Variants in TAFA5 observed in about 807,000 individuals in gnomAD.
The protein encoded by TAFA5 is chemokine-like protein TAFA-5.
In TAFA5, 6 loss-of-function variants were observed where a neutral mutation model predicts 15.3. The observed-to-expected ratio is 0.39, with a 90% CI of 0.21 to 0.77. The LOEUF is 0.77. Among genes scored for constraint, TAFA5 ranks in the 30% least tolerant of loss-of-function variants. The pLI is 0.41. For synonymous variants in TAFA5, 103 were observed against 80.7 expected (o/e 1.28, Z -1.48); for missense variants, 161 against 193.1 (o/e 0.83, Z 0.98).
chr22:48,639,943 C>G (rs115033550), intron 1 of TAFA5, among the ~76,000 whole-genome samples: 406 of 152,324 alleles, frequency 2.7e-3, no homozygotes, highest in African/African-American at 9.4e-3. Context: ...ACCGCACCCC[C>G]CCAACCCCGC....
rs974722224 is a variant in TAFA5, at chr22:48,503,030, A to C, written c.112+13326A>C. ...GTGGAAGGATGTGGGTCCCAGATCC[A>C]CGCGGGACCTTCCCATGCTCTTCCA... On this transcript the variant is annotated intron_variant, in intron 1 of 3. Coordinates refer to ENST00000402357, the MANE Select transcript of TAFA5 (RefSeq NM_001082967.3). Among the ~76,000 whole-genome samples the C allele has an allele frequency of 7.2e-5, 11 of 152,292 alleles. No homozygotes were observed. In the East Asian group the frequency reaches 1.9e-3, roughly 27 times the overall value.
intron 1 of TAFA5, among the ~76,000 whole-genome samples, chr22:48,558,169 C>G (rs1384932317): frequency 6.6e-6 from 1 of 152,156 alleles, no homozygotes; most frequent in South Asian, 2.1e-4. Context: ...TCAGTGCCAC[C>G]GTCGCAACAT....
At chr22:48,733,509 G>A (rs1019806306) in intron 3 of TAFA5, among the ~76,000 whole-genome samples, 1 of 152,254 alleles carries the variant, frequency 6.6e-6, no homozygotes, top group Non-Finnish European at 1.5e-5. Flanking sequence ...TCCGGCAAAT[G>A]CAATCACATC....
At chr22:48,634,173 CTCAT>C (rs1210563967) in intron 1 of TAFA5, among the ~76,000 whole-genome samples, 4 of 151,284 alleles carry the variant, frequency 2.6e-5, no homozygotes, top group African/African-American at 9.8e-5. Context: ...CAATCATTTA[CTCAT>C]TCACCCACTC....
At chr22:48,637,682 G>A (rs989850393) in intron 1 of TAFA5, among the ~76,000 whole-genome samples, 2 of 152,032 alleles carry the variant, frequency 1.3e-5, no homozygotes, top group Admixed American at 1.3e-4. Context: ...TTTCGGGTGT[G>A]CGCATCTGTG....
At chr22:48,666,239 C>T (rs1179273236) in intron 2 of TAFA5, among the ~76,000 whole-genome samples, 1 of 152,152 alleles carries the variant, frequency 6.6e-6, no homozygotes, top group Non-Finnish European at 1.5e-5. Context: ...CCCCTCTGCA[C>T]TCAGAGGGGA....
intron 1 of TAFA5, among the ~76,000 whole-genome samples, chr22:48,542,630 G>GGTGTGGGATGTGT (rs1922486471): frequency 1.2e-4 from 2 of 16,862 alleles, no homozygotes; most frequent in African/African-American, 7.7e-4. Context: ...GGTGTGTGTG[G>GGTGTGGGATGTGT]GTGTGTGATG....
intron 3 of TAFA5, among the ~76,000 whole-genome samples, chr22:48,717,729 C>G (rs1929445644): frequency 6.6e-6 from 1 of 152,224 alleles, no homozygotes; most frequent in Admixed American, 6.5e-5. Context: ...CAGGCATGGC[C>G]TCTGCCCTCC....
chr22:48,746,613 G>A (rs1373964924), intron 3 of TAFA5, among the ~76,000 whole-genome samples: 3 of 152,220 alleles, frequency 2.0e-5, no homozygotes, highest in Non-Finnish European at 4.4e-5. Context: ...GGCACAGGGG[G>A]ACGCTCAGAG....
intron 3 of TAFA5, among the ~76,000 whole-genome samples, chr22:48,747,852 G>A (rs1245960675): frequency 2.7e-5 from 4 of 146,036 alleles, no homozygotes; most frequent in Admixed American, 1.4e-4. Context: ...AGCCGAGATC[G>A]CACCACTGTA....
chr22:48,498,745 C>T (rs2147094548), intron 1 of TAFA5, among the ~76,000 whole-genome samples: 1 of 152,294 alleles, frequency 6.6e-6, no homozygotes, highest in East Asian at 1.9e-4. Flanking sequence ...CCCCTCCTCC[C>T]AGTTGTGACA....
intron 1 of TAFA5, among the ~76,000 whole-genome samples, chr22:48,526,318 C>T (rs1921781015): frequency 6.6e-6 from 1 of 152,228 alleles, no homozygotes; most frequent in East Asian, 1.9e-4. Context: ...GCCGAGGGAG[C>T]TTTCCACCTG....
chr22:48,562,803 C>G (rs9627377), intron 1 of TAFA5, among the ~76,000 whole-genome samples: 2,673 of 152,302 alleles, frequency 0.018, 83 homozygotes, highest in African/African-American at 0.061. Flanking sequence ...CTCATGAGAA[C>G]TCCACCCCCA....
At chr22:48,634,051 C>T (rs1480356461) in intron 1 of TAFA5, among the ~76,000 whole-genome samples, 1 of 152,210 alleles carries the variant, frequency 6.6e-6, no homozygotes, top group Admixed American at 6.5e-5. Context: ...GCCCGGTGCA[C>T]AGACTCAGCA....
At chr22:48,721,647 A>C (rs1929572472) in intron 3 of TAFA5, among the ~76,000 whole-genome samples, 1 of 152,354 alleles carries the variant, frequency 6.6e-6, no homozygotes, top group Admixed American at 6.5e-5. Context: ...GACAAAGATG[A>C]ACTTATTCCT....
At chr22:48,733,945 G>A (rs549126646) in intron 3 of TAFA5, among the ~76,000 whole-genome samples, 5 of 152,296 alleles carry the variant, frequency 3.3e-5, no homozygotes, top group African/African-American at 1.2e-4. Flanking sequence ...CCTGCCAAGA[G>A]CTGGAATGGG....
chr22:48,496,647 G>A (rs1265189717), intron 1 of TAFA5, among the ~76,000 whole-genome samples: 1 of 152,190 alleles, frequency 6.6e-6, no homozygotes, highest in Non-Finnish European at 1.5e-5. Context: ...GGCACAGAGG[G>A]GTCTGGCTCT....
At chr22:48,630,245 G>A (rs1199532504) in intron 1 of TAFA5, among the ~76,000 whole-genome samples, 1 of 152,168 alleles carries the variant, frequency 6.6e-6, no homozygotes, top group Non-Finnish European at 1.5e-5. Context: ...GGCATCTCTG[G>A]TTGGAGGCGA....
At chr22:48,545,655 C>T (rs539390617) in intron 1 of TAFA5, 2 of 152,784 alleles carry the variant, frequency 1.3e-5, no homozygotes, top group South Asian at 4.1e-4. Context: ...CAGAAATCAT[C>T]CAGGAGCAGT....
Sources: allele counts gnomAD v4.1 joint callset (sites outside exome capture counted in the v4.1 genomes callset), GRCh38; gene constraint gnomAD v4.1.1; transcripts MANE v1.5; gene names NCBI Gene and HGNC (gene_info 2026-07-23, HGNC 2026-07-21).